Variants in CALD1 observed in about 807,000 individuals in gnomAD.
CALD1 encodes caldesmon 1, also known as caldesmon.
CALD1 carries 33 observed loss-of-function variants against 99.9 expected under a neutral mutation model. The ratio of observed to expected loss-of-function variants is 0.33; its 90% CI spans 0.25 to 0.44. CALD1 has a LOEUF of 0.44. CALD1 is among the 20% of genes least tolerant of loss of function. The probability of loss-of-function intolerance (pLI) is 1.00; values close to 1 mark genes in which losing one functional copy is unlikely to be tolerated. For missense variants in CALD1, 861 were observed against 962.1 expected (o/e 0.89, Z 1.39); for synonymous variants, 310 against 325.0 (o/e 0.95, Z 0.50).
the CALD1 span, among the ~76,000 whole-genome samples, chr7:134,735,615 C>G: frequency 7.1e-6 from 1 of 140,918 alleles, no homozygotes; most frequent in African/African-American, 2.6e-5. Flanking sequence ...GTGTGTAGCT[C>G]TCAGTGGAAC....
At chr7:134,819,774 G>A (rs748960418) in intron 1 of CALD1, among the ~76,000 whole-genome samples, 18 of 152,184 alleles carry the variant, frequency 1.2e-4, no homozygotes, top group Non-Finnish European at 2.2e-4. Context: ...TACTTGGGAG[G>A]CTGAGGCAGG....
Position 134,965,313 on chromosome 7 carries a change from G to T in CALD1, c.2303G>T (p.Arg768Ile). 6.4e-7 allele frequency: 1 copy of T among 1,567,836 alleles called. No homozygotes were observed. Among genetic ancestry groups the T allele is most frequent in the South Asian group, 1.1e-5 (1 of 90,110 alleles). Residue 768 changes from arginine (R) to isoleucine (I), a missense_variant, in exon 14 of 15, where the codon AGA becomes ATA. Around this residue, in one of 5 missense-constraint regions of CALD1, gnomAD observed 190 missense variants for 249.0 expected, o/e 0.76. Transcript: ENST00000361675. ...KSPAPKPSDL[R>I]PGDVSSKRNL... ...CTGCTTCCTTTTTATCAGGACTTGA[G>T]ACCAGGAGACGTATCCAGCAAGCGG...
intron 1 of CALD1, among the ~76,000 whole-genome samples, chr7:134,793,357 C>T (rs542585837): frequency 6.6e-6 from 1 of 152,064 alleles, no homozygotes; most frequent in East Asian, 1.9e-4. Context: ...TCTTTATTTT[C>T]CTCTCTCTCC....
At chr7:134,788,248 T>A (rs1189429594) in intron 1 of CALD1, among the ~76,000 whole-genome samples, 13 of 152,256 alleles carry the variant, frequency 8.5e-5, no homozygotes, top group Non-Finnish European at 4.4e-5. Flanking sequence ...GTTAGTTACA[T>A]CTATTGTGGC....
At chr7:134,956,677 C>T (rs534052248) in intron 9 of CALD1, among the ~76,000 whole-genome samples, 8 of 152,192 alleles carry the variant, frequency 5.3e-5, no homozygotes, top group Admixed American at 2.0e-4. Context: ...CCAAGACTCA[C>T]TGAGACAAGG....
At chr7:134,928,081 A>G in intron 3 of CALD1, 2 of 323,830 alleles carry the variant, frequency 6.2e-6, no homozygotes, top group Non-Finnish European at 1.3e-5. Flanking sequence ...AACATGCTGT[A>G]TCTTTTGAAG....
At chr7:134,811,023 C>T (rs1798334140) in intron 1 of CALD1, among the ~76,000 whole-genome samples, 1 of 152,102 alleles carries the variant, frequency 6.6e-6, no homozygotes. Context: ...TCCTTATTGC[C>T]CCAGTGAGAA....
intron 1 of CALD1, among the ~76,000 whole-genome samples, chr7:134,834,777 G>C (rs2132100030): frequency 6.6e-6 from 1 of 152,314 alleles, no homozygotes; most frequent in East Asian, 1.9e-4. Context: ...ATTGCCCTGT[G>C]ACCAACCCAC....
chr7:134,780,229 G>C (rs554441857), intron 1 of CALD1, among the ~76,000 whole-genome samples: 1 of 152,170 alleles, frequency 6.6e-6, no homozygotes. Context: ...TTAACCAAAG[G>C]CTTTTGCGTT....
In CALD1 at chr7:134,831,874, G is replaced by A. The variant is rs1799238529; in HGVS notation, c.-129-12010G>A. Among the ~76,000 whole-genome samples, 2 of 152,184 alleles carry A rather than the reference G, an allele frequency of 1.3e-5. 1 individual carries two copies. The highest frequency in any genetic ancestry group is 4.1e-4 in the South Asian group (2 of 4,830). ...AAAGCAGAAAAAGAGATAGAGGCAA[G>A]TTTCAGAGCAAGAGTGGAAGTTTAT... On this transcript the variant is annotated intron_variant, in intron 1 of 14. Coordinates refer to ENST00000361675, the MANE Select transcript of CALD1 (RefSeq NM_033138.4).
At chr7:134,770,276 C>T (rs1338670024) in intron 1 of CALD1, among the ~76,000 whole-genome samples, 6 of 152,204 alleles carry the variant, frequency 3.9e-5, no homozygotes, top group African/African-American at 1.4e-4. Context: ...GGAAACCAAA[C>T]TGCAGAGCAG....
intron 1 of CALD1, among the ~76,000 whole-genome samples, chr7:134,751,847 T>C (rs1394478736): frequency 1.3e-5 from 2 of 151,942 alleles, no homozygotes; most frequent in African/African-American, 2.4e-5. Flanking sequence ...TGTGGTGGTG[T>C]GCTCCTGTGG....
the CALD1 span, among the ~76,000 whole-genome samples, chr7:134,728,116 G>C: frequency 1.2e-3 from 1 of 832 alleles, no homozygotes; most frequent in Non-Finnish European, 2.1e-3. Flanking sequence ...AAAGAGAATG[G>C]TGATGAGTTC....
chr7:134,820,786 C>G (rs1798743787), intron 1 of CALD1, among the ~76,000 whole-genome samples: 1 of 152,074 alleles, frequency 6.6e-6, no homozygotes, highest in Non-Finnish European at 1.5e-5. Flanking sequence ...TGGTGGGTAG[C>G]AAGGGGTGGT....
At chr7:134,726,507 A>AG in the CALD1 span, among the ~76,000 whole-genome samples, 9,429 of 138,152 alleles carry the variant, frequency 0.068, 1,151 homozygotes, top group African/African-American at 0.21. Context: ...TTAGATATAT[A>AG]ATATACAATA....
intron 3 of CALD1, among the ~76,000 whole-genome samples, chr7:134,922,281 C>A (rs542277996): frequency 2.6e-5 from 4 of 152,106 alleles, no homozygotes; most frequent in Non-Finnish European, 5.9e-5. Flanking sequence ...AAAATCAGCA[C>A]CCTCCCCATA....
chr7:134,747,905 T>C (rs1033349817), intron 1 of CALD1, among the ~76,000 whole-genome samples: 1 of 152,094 alleles, frequency 6.6e-6, no homozygotes, highest in Non-Finnish European at 1.5e-5. Context: ...GTAGAGCCCC[T>C]AGCATGTGAT....
intron 1 of CALD1, among the ~76,000 whole-genome samples, chr7:134,780,264 C>G (rs926071617): frequency 2.0e-5 from 3 of 152,176 alleles, no homozygotes; most frequent in Admixed American, 1.3e-4. Flanking sequence ...GTATTTAAAA[C>G]TAGACTTCCA....
intron 7 of CALD1, among the ~76,000 whole-genome samples, chr7:134,946,590 A>T (rs1806889058): frequency 6.6e-6 from 1 of 151,782 alleles, no homozygotes; most frequent in Non-Finnish European, 1.5e-5. Flanking sequence ...TATTTGTATG[A>T]TTTCCGTGAT....
Sources: allele counts gnomAD v4.1 joint callset (sites outside exome capture counted in the v4.1 genomes callset), GRCh38; gene constraint gnomAD v4.1.1; regional missense constraint gnomAD v4.1.1; transcripts MANE v1.5; gene names NCBI Gene and HGNC (gene_info 2026-07-23, HGNC 2026-07-21).